Variants in KCND2 observed in about 807,000 individuals in gnomAD.
The protein encoded by KCND2 is A-type voltage-gated potassium channel KCND2.
A neutral mutation model predicts 54.4 loss-of-function variants in KCND2; 16 were observed. The observed-to-expected ratio is 0.29, with a 90% CI of 0.20 to 0.45. The LOEUF is 0.45. Ranked by LOEUF, KCND2 falls within the 20% of genes least tolerant of loss-of-function variation. The pLI, the probability that KCND2 is intolerant of heterozygous loss-of-function variation, is 1.00. For synonymous variants in KCND2, 317 were observed against 310.7 expected (o/e 1.02, Z -0.21); for missense variants, 486 against 824.2 (o/e 0.59, Z 5.02).
At chr7:120,447,652 C>G (rs577906991) in intron 1 of KCND2, among the ~76,000 whole-genome samples, 14 of 152,118 alleles carry the variant, frequency 9.2e-5, no homozygotes, top group African/African-American at 3.4e-4. Context: ...TCAAAACTGC[C>G]TAACAGATGA....
At chr7:120,670,380 A>G (rs1484811051) in intron 1 of KCND2, among the ~76,000 whole-genome samples, 1 of 152,048 alleles carries the variant, frequency 6.6e-6, no homozygotes, top group Non-Finnish European at 1.5e-5. Context: ...TTTACTTTCA[A>G]TGATCATTCA....
intron 1 of KCND2, among the ~76,000 whole-genome samples, chr7:120,328,658 C>G (rs1305602025): frequency 6.6e-6 from 1 of 152,034 alleles, no homozygotes; most frequent in Non-Finnish European, 1.5e-5. Flanking sequence ...AAAAACTTAT[C>G]AAAATATGGT....
At chr7:120,711,594 A>C (rs1792538983) in intron 1 of KCND2, among the ~76,000 whole-genome samples, 1 of 152,206 alleles carries the variant, frequency 6.6e-6, no homozygotes, top group Admixed American at 6.6e-5. Context: ...ACATTGAATC[A>C]CATGAGGATA....
At chr7:120,716,979 G>T (rs906750183) in intron 1 of KCND2, among the ~76,000 whole-genome samples, 1 of 152,018 alleles carries the variant, frequency 6.6e-6, no homozygotes, top group Admixed American at 6.6e-5. Context: ...GTTGAGCACA[G>T]TAAAATATTA....
intron 2 of KCND2, among the ~76,000 whole-genome samples, chr7:120,738,169 G>C (rs988598820): frequency 6.6e-6 from 1 of 152,010 alleles, no homozygotes. Flanking sequence ...ATTAGTTTGA[G>C]GAAATTTGCA....
intron 1 of KCND2, among the ~76,000 whole-genome samples, chr7:120,675,944 G>A (rs983407362): frequency 4.3e-4 from 62 of 143,834 alleles, no homozygotes; most frequent in East Asian, 2.1e-3. Flanking sequence ...TGCAACCTCC[G>A]CCTCTTGAAT....
At chr7:120,474,110 C>T (rs998170411) in intron 1 of KCND2, among the ~76,000 whole-genome samples, 2 of 152,114 alleles carry the variant, frequency 1.3e-5, no homozygotes, top group Non-Finnish European at 1.5e-5. Flanking sequence ...CTTTGTCAGC[C>T]CCAGCTTATG....
intron 1 of KCND2, among the ~76,000 whole-genome samples, chr7:120,703,885 A>G (rs1045682904): frequency 1.3e-5 from 2 of 152,178 alleles, no homozygotes; most frequent in East Asian, 3.8e-4. Flanking sequence ...TTATTTCACT[A>G]TGAACCTCAC....
At position 120,709,257 on chromosome 7, in the gene KCND2, A is replaced by G. The variant is rs147948138; in HGVS notation, c.1116-23646A>G. ...CTGTGGTTCTAAGTAAAGAAAACAA[A>G]ACTTCAAATTATTACCATGAATTTT... is the stretch of plus-strand genomic sequence containing the variant. On this transcript the variant is annotated intron_variant, in intron 1 of 5. Transcript: ENST00000331113. Among the ~76,000 whole-genome samples, 532 of 152,262 alleles carry G rather than the reference A, an allele frequency of 3.5e-3. 3 individuals are homozygous for G. Among genetic ancestry groups the G allele is most frequent in the African/African-American group, 0.012 (486 of 41,556 alleles).
intron 1 of KCND2, among the ~76,000 whole-genome samples, chr7:120,535,882 T>C (rs1418346419): frequency 1.3e-5 from 2 of 152,058 alleles, no homozygotes; most frequent in Non-Finnish European, 2.9e-5. Context: ...TGCTAGATTG[T>C]TTTCGTGTGT....
chr7:120,549,617 C>G (rs1792082139), intron 1 of KCND2, among the ~76,000 whole-genome samples: 1 of 152,088 alleles, frequency 6.6e-6, no homozygotes, highest in Admixed American at 6.6e-5. Context: ...TCCTTTATAC[C>G]TAGAGAAATT....
rs988277293 is a variant in KCND2, at chr7:120,274,541, T to C, written c.-92T>C. 6.2e-5 allele frequency: 90 copies of C among 1,442,206 alleles called. No homozygotes were observed. Among genetic ancestry groups the C allele is most frequent in the Admixed American group, 3.8e-4 (23 of 59,746 alleles). The allele number at this position is 1,442,206 out of a possible 1,614,324, so 89.3% of individuals were successfully genotyped here. The stretch of plus-strand genomic sequence containing the variant: ...CTGGACCACGTTTCTCACTAGTACT[T>C]TGCTTGACTGGAGGAAGTGGGTGAC... On this transcript the variant is annotated 5_prime_UTR_variant, in exon 1 of 6. Transcript: ENST00000331113.
chr7:120,358,132 CACAG>C (rs1442410956), intron 1 of KCND2, among the ~76,000 whole-genome samples: 1 of 152,000 alleles, frequency 6.6e-6, no homozygotes. Flanking sequence ...AAAAAACTGA[CACAG>C]AGACAGAATA....
intron 1 of KCND2, among the ~76,000 whole-genome samples, chr7:120,614,779 C>A (rs1793000350): frequency 1.3e-5 from 2 of 151,952 alleles, no homozygotes; most frequent in Admixed American, 6.5e-5. Context: ...AACAAGGATA[C>A]CTTATGGAGG....
chr7:120,558,915 A>C (rs1036514482), intron 1 of KCND2, among the ~76,000 whole-genome samples: 8 of 152,160 alleles, frequency 5.3e-5, no homozygotes, highest in African/African-American at 1.4e-4. Flanking sequence ...CCATAGCATC[A>C]TTATAAGACC....
intron 1 of KCND2, among the ~76,000 whole-genome samples, chr7:120,297,959 G>T (rs1436821628): frequency 6.6e-6 from 1 of 152,130 alleles, no homozygotes; most frequent in African/African-American, 2.4e-5. Context: ...CATTTGTTCA[G>T]TTCAGTACAG....
At chr7:120,424,859 A>G (rs1801678379) in intron 1 of KCND2, among the ~76,000 whole-genome samples, 1 of 152,212 alleles carries the variant, frequency 6.6e-6, no homozygotes, top group African/African-American at 2.4e-5. Context: ...AGTAAGAGAC[A>G]TTTTTGTCTG....
intron 1 of KCND2, among the ~76,000 whole-genome samples, chr7:120,548,104 T>A (rs1792064737): frequency 6.6e-6 from 1 of 152,092 alleles, no homozygotes; most frequent in South Asian, 2.1e-4. Flanking sequence ...CTCTAGCCAG[T>A]AACTAAATGC....
intron 1 of KCND2, among the ~76,000 whole-genome samples, chr7:120,510,535 T>G (rs1803098410): frequency 6.6e-6 from 1 of 152,054 alleles, no homozygotes; most frequent in African/African-American, 2.4e-5. Context: ...TTATATACAT[T>G]TATTCATTAA....
Sources: allele counts gnomAD v4.1 joint callset (sites outside exome capture counted in the v4.1 genomes callset), GRCh38; gene constraint gnomAD v4.1.1; transcripts MANE v1.5; gene names NCBI Gene and HGNC (gene_info 2026-07-23, HGNC 2026-07-21).